The following CNTLN variants were observed in gnomAD, a reference collection of about 807,000 sequenced individuals.
CNTLN encodes centlein, centrosomal protein.
Under a neutral mutation model 180.0 loss-of-function variants are expected in CNTLN, and 212 were observed. That is an observed-to-expected ratio of 1.18 (90% CI 1.05 to 1.32). The LOEUF is 1.32. Among genes scored for constraint, CNTLN ranks in the 40% most tolerant of loss-of-function variants. The pLI is 0.00. For missense variants in CNTLN, 2,095 were observed against 1,610.9 expected (o/e 1.30, Z -5.14); for synonymous variants, 722 against 563.1 (o/e 1.28, Z -3.99).
rs1209649006 is a variant in CNTLN at position 17,195,986 on chromosome 9, C to T, written c.450-30217C>T. Among the ~76,000 whole-genome samples, 7 of 152,052 alleles carry T rather than the reference C, an allele frequency of 4.6e-5. No individual in the cohort carries two copies. In the East Asian group the frequency reaches 1.3e-3, roughly 29 times the overall value. The stretch of plus-strand genomic sequence containing the variant: ...AAATGATAGTAAAGATGGTTAGGAG[C>T]ACAGAATTAAAAGTCATATAGATCA... On this transcript the variant is annotated intron_variant, in intron 2 of 25. Coordinates refer to ENST00000380647, the MANE Select transcript of CNTLN (RefSeq NM_017738.4).
At chr9:17,463,873 A>T (rs1201327915) in intron 20 of CNTLN, among the ~76,000 whole-genome samples, 1 of 151,474 alleles carries the variant, frequency 6.6e-6, no homozygotes, top group Admixed American at 6.6e-5. Context: ...AAGCACTTAT[A>T]ACAGTGACTG....
intron 25 of CNTLN, among the ~76,000 whole-genome samples, chr9:17,496,706 C>G (rs565777413): frequency 6.6e-6 from 1 of 152,262 alleles, no homozygotes; most frequent in East Asian, 1.9e-4. Flanking sequence ...TATTGAGCCC[C>G]CAAATTCTTT....
intron 18 of CNTLN, among the ~76,000 whole-genome samples, chr9:17,424,893 C>CAA (rs1446175669): frequency 6.6e-6 from 1 of 152,116 alleles, no homozygotes; most frequent in Non-Finnish European, 1.5e-5. Flanking sequence ...CCTAGCCTCC[C>CAA]AAACCATGAG....
chr9:17,464,479 AC>A lies in CNTLN; in HGVS notation c.3405-16del. 4 of 1,531,416 alleles carry A rather than the reference AC, an allele frequency of 2.6e-6. No individual in the cohort carries two copies. The highest frequency in any genetic ancestry group is 3.5e-6 in the Non-Finnish European group (4 of 1,148,340). 94.9% of individuals were successfully genotyped at this position (1,531,416 alleles called of 1,614,324 possible). A position where few individuals can be genotyped will look rare whatever the true frequency, so the allele number is the denominator to read the frequency against. On this transcript the variant is annotated splice_polypyrimidine_tract_variant and intron_variant, in intron 20 of 25. Coordinates refer to ENST00000380647, the MANE Select transcript of CNTLN (RefSeq NM_017738.4). ...GGTATTTTCTGTCACTCTTGATGTC[AC>A]CTTTTTTTTTTTCAAGGATATCTCG... is the stretch of plus-strand genomic sequence containing the variant.
intron 25 of CNTLN, among the ~76,000 whole-genome samples, chr9:17,499,601 G>A (rs1204975707): frequency 2.0e-5 from 3 of 152,114 alleles, no homozygotes; most frequent in Admixed American, 6.6e-5. Context: ...AAAGCAGGAA[G>A]GCACAGCTAC....
chr9:17,298,240 C>T lies in CNTLN; in HGVS notation c.1034C>T (p.Thr345Ile), dbSNP rs1047736994. ...CTTTACAAACAGAACAGTACACATA[C>T]AGCCCAGCAAGCAGAGCTGATCCAG... is the stretch of plus-strand genomic sequence containing the variant. ...QNLYKQNSTH[T>I]AQQAELIQQL... is the part of the protein sequence containing the mutation. Residue 345 changes from threonine to isoleucine, a missense_variant, in exon 7 of 26, where the codon ACA becomes ATA. Thr to Ile is a moderately conservative substitution (Grantham distance 89). Coordinates refer to ENST00000380647, the MANE Select transcript of CNTLN (RefSeq NM_017738.4). The T allele has an allele frequency of 6.2e-7, 1 of 1,610,972 alleles. No individual in the cohort carries two copies.
intron 2 of CNTLN, among the ~76,000 whole-genome samples, chr9:17,218,088 A>C (rs1017346877): frequency 6.6e-6 from 1 of 152,150 alleles, no homozygotes; most frequent in African/African-American, 2.4e-5. Flanking sequence ...AATAAGGAAA[A>C]AAATGTCCAT....
chr9:17,252,044 C>T (rs1305808568), intron 5 of CNTLN, among the ~76,000 whole-genome samples: 1 of 151,828 alleles, frequency 6.6e-6, no homozygotes, highest in African/African-American at 2.4e-5. Flanking sequence ...TCCATCCATG[C>T]TACTTCAAAT....
intron 25 of CNTLN, among the ~76,000 whole-genome samples, chr9:17,497,054 T>C (rs572564668): frequency 5.3e-5 from 8 of 152,270 alleles, no homozygotes; most frequent in African/African-American, 1.7e-4. Flanking sequence ...AAACAATTCA[T>C]AGGGGTCCAA....
At chr9:17,327,593 C>G (rs1203637732) in intron 8 of CNTLN, among the ~76,000 whole-genome samples, 2 of 151,570 alleles carry the variant, frequency 1.3e-5, no homozygotes, top group Non-Finnish European at 2.9e-5. Context: ...TTTCCCTTAC[C>G]TATACTGAAA....
At chr9:17,438,567 T>A (rs1829919740) in intron 18 of CNTLN, among the ~76,000 whole-genome samples, 1 of 152,130 alleles carries the variant, frequency 6.6e-6, no homozygotes, top group South Asian at 2.1e-4. Flanking sequence ...AAGGGCCTCA[T>A]AAATGCATAC....
intron 2 of CNTLN, among the ~76,000 whole-genome samples, chr9:17,180,370 T>A (rs942712881): frequency 1.4e-5 from 2 of 146,084 alleles, no homozygotes; most frequent in African/African-American, 5.1e-5. Context: ...TATATTATAT[T>A]ATATTATATA....
chr9:17,139,920 A>T (rs952009176), intron 1 of CNTLN, among the ~76,000 whole-genome samples: 1 of 152,134 alleles, frequency 6.6e-6, no homozygotes, highest in Non-Finnish European at 1.5e-5. Flanking sequence ...TGTGTTGCCC[A>T]GGTTGGTCTC....
intron 5 of CNTLN, among the ~76,000 whole-genome samples, chr9:17,256,894 T>G (rs1006347207): frequency 2.0e-5 from 3 of 151,958 alleles, no homozygotes; most frequent in African/African-American, 7.2e-5. Flanking sequence ...TCAGAATGAA[T>G]GATTCCATTT....
chr9:17,511,502 G>A, the CNTLN span, among the ~76,000 whole-genome samples: 1 of 152,186 alleles, frequency 6.6e-6, no homozygotes, highest in African/African-American at 2.4e-5. Context: ...CCATATGGCT[G>A]TTGGCAGGAT....
intron 5 of CNTLN, among the ~76,000 whole-genome samples, chr9:17,258,670 T>A (rs974709684): frequency 6.7e-6 from 1 of 148,928 alleles, no homozygotes; most frequent in African/African-American, 2.6e-5. Context: ...TTTGTAGTTC[T>A]CCTTGAAGAG....
intron 19 of CNTLN, among the ~76,000 whole-genome samples, chr9:17,458,317 G>C (rs1046668357): frequency 6.6e-6 from 1 of 151,818 alleles, no homozygotes; most frequent in African/African-American, 2.4e-5. Flanking sequence ...TAAGAAATAG[G>C]ATTTGTGAGT....
intron 13 of CNTLN, among the ~76,000 whole-genome samples, chr9:17,368,347 G>A (rs968014817): frequency 6.6e-6 from 1 of 152,128 alleles, no homozygotes; most frequent in Non-Finnish European, 1.5e-5. Context: ...ACACCAGGTG[G>A]ATTTCTAAGG....
In CNTLN at chr9:17,330,789, G is replaced by C; in HGVS notation, c.1499G>C (p.Ser500Thr). 1 of 1,606,904 alleles carries C rather than the reference G, an allele frequency of 6.2e-7. No homozygotes were observed. Among genetic ancestry groups the C allele is most frequent in the East Asian group, 2.3e-5 (1 of 44,422 alleles). The change falls in exon 9 of 26, where the codon AGT becomes ACT. Residue 500 changes from serine (S) to threonine (T), a missense_variant. Physicochemically the swap from Ser to Thr is moderately conservative, Grantham distance 58 (BLOSUM62 1). Transcript: ENST00000380647. ...KGFSRKSIMT[S>T]AEGKHKEPPV... Reference sequence around the variant, plus strand: ...TTCTCCCGAAAGAGCATCATGACAAGTGCTGAAGGAAAACATAAGGTAGGG... The same window carrying C: ...TTCTCCCGAAAGAGCATCATGACAACTGCTGAAGGAAAACATAAGGTAGGG...
Sources: gnomAD v4.1 joint callset for allele counts (sites outside exome capture counted in the v4.1 genomes callset) on GRCh38, gnomAD v4.1.1 for gene constraint, MANE v1.5 for transcripts, NCBI Gene and HGNC (gene_info 2026-07-23, HGNC 2026-07-21) for gene names.